Variants in SCRIB observed in about 807,000 individuals in gnomAD.
SCRIB encodes scribble planar cell polarity protein.
SCRIB carries 72 observed loss-of-function variants against 170.0 expected under a neutral mutation model. The ratio of observed to expected loss-of-function variants is 0.42; its 90% CI spans 0.35 to 0.52. The LOEUF is 0.52. SCRIB is among the 20% of genes least tolerant of loss of function. The pLI is 0.02. For missense variants in SCRIB, 2,475 were observed against 2,338.5 expected, an observed-to-expected ratio of 1.06 and a Z score of -1.20; for synonymous variants, 1,298 against 1,044.3, an observed-to-expected ratio of 1.24 and a Z score of -4.68.
Position 143,810,991 on chromosome 8 carries a change from G to A in SCRIB, c.1188C>T (p.Leu396=). 2 of 1,611,608 alleles carry A rather than the reference G, an allele frequency of 1.2e-6. No homozygotes were observed. Among genetic ancestry groups the A allele is most frequent in the South Asian group, 1.1e-5 (1 of 90,882 alleles). Reference sequence around the variant, plus strand: ...GGGCATCATCCTCCGTCTGGAACCGGAGCATGGGCTGCGCCTGGTTCTCTG... The same window carrying A: ...GGGCATCATCCTCCGTCTGGAACCGAAGCATGGGCTGCGCCTGGTTCTCTG... ...WLAENQAQPM[L]RFQTEDDART... Residue 396 remains leucine (L), a synonymous_variant, in exon 11 of 37, where the codon CTC becomes CTT. Coordinates refer to ENST00000356994, the MANE Select transcript of SCRIB (RefSeq NM_182706.5).
Position 143,815,107 on chromosome 8 carries a change from G to T in SCRIB, c.159+107C>A, listed in dbSNP as rs564679741. 897 of 1,310,922 alleles carry T rather than the reference G, an allele frequency of 6.8e-4. 16 individuals are homozygous for T. In the South Asian group the frequency reaches 0.014, roughly 20 times the overall value. The allele number at this position is 1,310,922 out of a possible 1,614,324, so 81.2% of individuals were successfully genotyped here. ...GTGGGGACCTGGCCAGTGCAAACCA[G>T]CAGGGCCGGCTGGAGGCTGCGGTGA... is the stretch of plus-strand genomic sequence containing the variant. On this transcript the variant is annotated intron_variant, in intron 1 of 36. Coordinates refer to ENST00000356994, the MANE Select transcript of SCRIB (RefSeq NM_182706.5).
At chr8:143,797,705 C>G (rs1815002535) in intron 24 of SCRIB, among the ~76,000 whole-genome samples, 1 of 152,236 alleles carries the variant, frequency 6.6e-6, no homozygotes. Context: ...AGCGTGGGGG[C>G]AGTCACTGCA....
chr8:143,806,135 G>A (rs551530306), intron 18 of SCRIB, among the ~76,000 whole-genome samples: 8 of 152,246 alleles, frequency 5.3e-5, no homozygotes, highest in African/African-American at 1.9e-4. Context: ...CCTACCCACT[G>A]GTAGAAAAAC....
Position 143,792,290 on chromosome 8 carries a change from C to G in SCRIB, c.4444G>C (p.Glu1482Gln). The stretch of plus-strand genomic sequence containing the variant: ...AGCTCGGCAGGGGACAGGGCACGCT[C>G]GGGTGCCGGTGGCTCCGGACTCTGC... The part of the protein sequence containing the change: ...RVQSPEPPAP[E>Q]RALSPAELRA... The change falls in exon 32 of 37, where the codon GAG (glutamate) becomes CAG (glutamine). Residue 1482 changes from glutamate (E) to glutamine (Q), a missense_variant. Glu to Gln is a conservative substitution (Grantham distance 29). Coordinates refer to ENST00000356994, the MANE Select transcript of SCRIB (RefSeq NM_182706.5). 6.4e-7 allele frequency: 1 copy of G among 1,563,896 alleles called. No individual in the cohort carries two copies. Among genetic ancestry groups the G allele is most frequent in the Non-Finnish European group, 8.6e-7 (1 of 1,162,358 alleles).
Position 143,815,581 on chromosome 8 carries a change from G to A in SCRIB, c.-209C>T, listed in dbSNP as rs1446816892. The A allele has an allele frequency of 4.1e-6, 4 of 981,550 alleles. No homozygotes were observed. The highest frequency in any genetic ancestry group is 4.7e-5 in the South Asian group (1 of 21,274). The allele number at this position is 981,550 out of a possible 1,614,324, so 60.8% of individuals were successfully genotyped here. On this transcript the variant is annotated 5_prime_UTR_variant, in exon 1 of 37. Transcript: ENST00000356994. ...GACTGCGGGCCTGGGCAGGGGGCGCGGCCCGGCGGGTCTCAGACTCTTAGG... is the reference window on the plus strand; with the variant it reads ...GACTGCGGGCCTGGGCAGGGGGCGCAGCCCGGCGGGTCTCAGACTCTTAGG...
Position 143,807,564 on chromosome 8 carries a change from A to T in SCRIB, c.2166T>A (p.Ile722=). ...GAGCAGTACAGACCTCTTCCTCCTC[A>T]ATGCGAGCAGGCTCTATCAGCAGGT... The part of the protein sequence containing the change: ...ANNLLIEPAR[I]EEEELTLTIL... Residue 722 remains isoleucine (I), a synonymous_variant, in exon 16 of 37, where the codon ATT becomes ATA. Transcript: ENST00000356994. 1 of 1,613,766 alleles carries T rather than the reference A, an allele frequency of 6.2e-7. No individual in the cohort carries two copies. The highest frequency in any genetic ancestry group is 8.5e-7 in the Non-Finnish European group (1 of 1,179,768).
intron 27 of SCRIB, 62 bp from the exon 28 acceptor site, chr8:143,794,024 G>A: frequency 6.5e-7 from 1 of 1,533,778 alleles, no homozygotes; most frequent in South Asian, 1.1e-5. Flanking sequence ...GACCAGGAGG[G>A]ACTGGGGGCC....
chr8:143,806,840 G>A lies in SCRIB; in HGVS notation c.2268+84C>T, dbSNP rs538485769. ...TCCCCAGAGCGTGTGAGTGTTCTCA[G>A]GGCAAGGGGCCTGTGTGCCATCAGT... On this transcript the variant is annotated intron_variant, in intron 17 of 36. Coordinates refer to ENST00000356994, the MANE Select transcript of SCRIB (RefSeq NM_182706.5). 3.0e-6 allele frequency: 3 copies of A among 999,922 alleles called. No individual in the cohort carries two copies. In the Admixed American group the frequency reaches 7.1e-5, roughly 24 times the overall value. 61.9% of individuals were successfully genotyped at this position (999,922 alleles called of 1,614,324 possible). A position where few individuals can be genotyped will look rare whatever the true frequency, so the allele number is the denominator to read the frequency against.
At chr8:143,812,140 C>T in intron 9 of SCRIB, 126 bp downstream of exon 9, 1 of 750,646 alleles carries the variant, frequency 1.3e-6, no homozygotes, top group South Asian at 1.5e-5. Flanking sequence ...AGAGAAGAGC[C>T]CTTCCTGAGT....
intron 9 of SCRIB, 40 bp downstream of exon 9, chr8:143,812,226 C>T (rs201213220): frequency 5.3e-6 from 7 of 1,328,892 alleles, no homozygotes; most frequent in Middle Eastern, 1.8e-4. Context: ...TCTGCACCCC[C>T]GACGGCCCCA....
intron 13 of SCRIB, 117 bp from the exon 14 acceptor site, chr8:143,809,835 C>G (rs1488955611): frequency 5.9e-6 from 7 of 1,181,234 alleles, no homozygotes; most frequent in Non-Finnish European, 8.3e-6. Context: ...GACCAGGCAC[C>G]GTTAACGGGC....
chr8:143,813,399 G>A (rs757410064), intron 5 of SCRIB, 25 bp from the exon 6 acceptor site: 2 of 1,613,194 alleles, frequency 1.2e-6, no homozygotes, highest in South Asian at 1.1e-5. Flanking sequence ...GGGTGGAGGT[G>A]TGGCCACGCA....
intron 9 of SCRIB, among the ~76,000 whole-genome samples, chr8:143,811,657 T>G (rs1238218207): frequency 6.6e-6 from 1 of 152,106 alleles, no homozygotes; most frequent in Admixed American, 6.5e-5. Flanking sequence ...TGAGCCTGTC[T>G]GGTGCCCCAC....
At chr8:143,810,041 A>C (rs114985074) in intron 13 of SCRIB, among the ~76,000 whole-genome samples, 3,471 of 151,488 alleles carry the variant, frequency 0.023, 132 homozygotes, top group African/African-American at 0.08. Context: ...GGCCCCACAC[A>C]CCCTACCCCA....
At chr8:143,814,866 A>G in intron 1 of SCRIB, 1 of 288,474 alleles carries the variant, frequency 3.5e-6, no homozygotes, top group Non-Finnish European at 6.5e-6. Context: ...GGAGGTCTGG[A>G]CCCACCTCCA....
intron 1 of SCRIB, 57 bp from the exon 2 acceptor site, chr8:143,814,175 G>C: frequency 7.2e-7 from 1 of 1,392,794 alleles, no homozygotes; most frequent in South Asian, 1.2e-5. Flanking sequence ...GCAGAGAAGA[G>C]CTCCTGGACA....
intron 13 of SCRIB, 56 bp from the exon 14 acceptor site, chr8:143,809,774 A>G (rs1488337503): frequency 1.9e-6 from 3 of 1,575,744 alleles, no homozygotes; most frequent in South Asian, 2.2e-5. Context: ...CAGGCTGGCC[A>G]CCTGGGATGC....
At position 143,809,092 on chromosome 8, in the gene SCRIB, A is replaced by G; in HGVS notation, c.1699-67T>C. The G allele has an allele frequency of 6.5e-6, 10 of 1,536,268 alleles. No homozygotes were observed. In the East Asian group the frequency reaches 1.4e-4, roughly 21 times the overall value. On this transcript the variant is annotated intron_variant, in intron 14 of 36. Transcript: ENST00000356994. ...TGTGCTTCCACAGGAAGACCCTACTAAACAGTGTGGCCACAGACGGGCTCC... is the reference window on the plus strand; with the variant it reads ...TGTGCTTCCACAGGAAGACCCTACTGAACAGTGTGGCCACAGACGGGCTCC...
chr8:143,814,715 C>T (rs898211335), intron 1 of SCRIB: 12 of 163,420 alleles, frequency 7.3e-5, no homozygotes, highest in East Asian at 1.8e-4. Flanking sequence ...TTTCTCCAGC[C>T]TCCTTTCTTG....
Sources: gnomAD v4.1 joint callset for allele counts (sites outside exome capture counted in the v4.1 genomes callset) on GRCh38, gnomAD v4.1.1 for gene constraint, MANE v1.5 for transcripts, NCBI Gene and HGNC (gene_info 2026-07-23, HGNC 2026-07-21) for gene names.